LEKR1: variants seen among roughly 807,000 people sequenced by gnomAD.
LEKR1 encodes leucine, glutamate and lysine rich 1.
In LEKR1, 59 loss-of-function variants were observed where a neutral mutation model predicts 72.4. The observed-to-expected ratio is 0.82, with a 90% CI of 0.66 to 1.01. The LOEUF (loss-of-function observed/expected upper bound fraction) is 1.01. LEKR1 is among the 50% of genes least tolerant of loss of function. The pLI, the probability that LEKR1 is intolerant of heterozygous loss-of-function variation, is 0.00. For missense variants in LEKR1, 728 were observed against 759.2 expected (o/e 0.96, Z 0.48); for synonymous variants, 257 against 263.2 (o/e 0.98, Z 0.23).
chr3:157,000,602 T>G (rs1302808153), intron 9 of LEKR1, among the ~76,000 whole-genome samples: 3 of 152,224 alleles, frequency 2.0e-5, no homozygotes, highest in African/African-American at 7.2e-5. Flanking sequence ...AAGTATTAGT[T>G]TCCTCTCTTT....
chr3:156,974,993 C>A (rs896469193), intron 6 of LEKR1, among the ~76,000 whole-genome samples: 5 of 152,154 alleles, frequency 3.3e-5, no homozygotes, highest in Non-Finnish European at 7.3e-5. Flanking sequence ...ATGCCACCAC[C>A]AATGATAATA....
chr3:156,988,664 C>T (rs1158978910), intron 7 of LEKR1: 2 of 238,018 alleles, frequency 8.4e-6, no homozygotes, highest in South Asian at 9.1e-5. Flanking sequence ...GCCTCTGCAC[C>T]CAGCTTCAGG....
chr3:156,989,231 T>C (rs1407930457), intron 7 of LEKR1, among the ~76,000 whole-genome samples: 1 of 152,234 alleles, frequency 6.6e-6, no homozygotes, highest in Admixed American at 6.5e-5. Context: ...AATGGCTACA[T>C]AATATTCCAA....
At chr3:157,040,495 G>A (rs1735269594) in intron 12 of LEKR1, among the ~76,000 whole-genome samples, 1 of 152,274 alleles carries the variant, frequency 6.6e-6, no homozygotes, top group East Asian at 1.9e-4. Context: ...CTTACCAAAA[G>A]GCCATTTCCA....
chr3:157,007,052 A>AG (rs1212645750), intron 9 of LEKR1, among the ~76,000 whole-genome samples: 2 of 151,994 alleles, frequency 1.3e-5, no homozygotes, highest in African/African-American at 4.8e-5. Context: ...ATACAAAAAA[A>AG]ATAGCCGGGC....
intron 6 of LEKR1, among the ~76,000 whole-genome samples, chr3:156,950,404 T>C (rs1482088083): frequency 1.3e-5 from 2 of 151,638 alleles, no homozygotes; most frequent in Non-Finnish European, 3.0e-5. Context: ...AGGAATAGCA[T>C]TGAATCTGTA....
At position 156,829,520 on chromosome 3, in the gene LEKR1, A is replaced by C. The variant is rs141359639; in HGVS notation, c.48+143A>C. Reference sequence around the variant, plus strand: ...AGTGGGAGAGGGAATAATTATTATCATAATGAGCAGAATTGTAGAATTCAA... The same window carrying C: ...AGTGGGAGAGGGAATAATTATTATCCTAATGAGCAGAATTGTAGAATTCAA... On this transcript the variant is annotated intron_variant, in intron 2 of 12. Coordinates refer to ENST00000356539, the MANE Select transcript of LEKR1 (RefSeq NM_001004316.3). 9.2e-4 allele frequency: 511 copies of C among 557,392 alleles called. 4 individuals are homozygous for C. The highest frequency in any genetic ancestry group is 8.7e-3 in the African/African-American group (452 of 52,076). 34.5% of individuals were successfully genotyped at this position (557,392 alleles called of 1,614,324 possible). A position where few individuals can be genotyped will look rare whatever the true frequency, so the allele number is the denominator to read the frequency against.
chr3:157,034,565 A>G (rs1156431412), intron 12 of LEKR1, among the ~76,000 whole-genome samples: 2 of 152,228 alleles, frequency 1.3e-5, no homozygotes, highest in African/African-American at 2.4e-5. Flanking sequence ...AAAGAAAGCC[A>G]TTTGTTGAAA....
intron 3 of LEKR1, among the ~76,000 whole-genome samples, chr3:156,873,293 C>A (rs974774852): frequency 1.3e-5 from 2 of 151,902 alleles, no homozygotes; most frequent in Non-Finnish European, 2.9e-5. Context: ...TCTTTCTTTT[C>A]ATTCTATATG....
chr3:156,944,354 T>C (rs1726495667), intron 6 of LEKR1, among the ~76,000 whole-genome samples: 1 of 151,828 alleles, frequency 6.6e-6, no homozygotes, highest in Admixed American at 6.6e-5. Flanking sequence ...ATAATAATTA[T>C]GTCACGGTAA....
intron 7 of LEKR1, 30 bp from the exon 8 acceptor site, chr3:156,992,623 T>G (rs868520751): frequency 2.3e-6 from 1 of 433,118 alleles, no homozygotes; most frequent in Non-Finnish European, 3.6e-6. Flanking sequence ...TTTGAAATAA[T>G]ATATTTTAAC....
In LEKR1 at chr3:156,944,165, A is replaced by G. The variant is rs1726476510; in HGVS notation, c.745+1451A>G. ...AAGTAGTCCCATTCCTAGATAGTACATACAGTATCCTGGGTTTTGTTTCCC... is the reference window on the plus strand; with the variant it reads ...AAGTAGTCCCATTCCTAGATAGTACGTACAGTATCCTGGGTTTTGTTTCCC... On this transcript the variant is annotated intron_variant, in intron 6 of 12. Transcript: ENST00000356539. Among the ~76,000 whole-genome samples the G allele has an allele frequency of 2.0e-5, 3 of 151,762 alleles. No homozygotes were observed. In the South Asian group the frequency reaches 6.2e-4, roughly 31 times the overall value.
intron 3 of LEKR1, among the ~76,000 whole-genome samples, chr3:156,917,050 G>T (rs1723723653): frequency 6.6e-6 from 1 of 152,028 alleles, no homozygotes; most frequent in Admixed American, 6.6e-5. Flanking sequence ...CACTAGAATT[G>T]ATATCCTCAA....
chr3:156,971,700 CAAAA>C (rs1729214330), intron 6 of LEKR1, among the ~76,000 whole-genome samples: 1 of 151,966 alleles, frequency 6.6e-6, no homozygotes, highest in African/African-American at 2.4e-5. Context: ...AGACACTTCT[CAAAA>C]GAAGACATTT....
intron 2 of LEKR1, among the ~76,000 whole-genome samples, chr3:156,845,656 G>A (rs746508606): frequency 3.9e-5 from 6 of 151,964 alleles, no homozygotes; most frequent in Non-Finnish European, 7.4e-5. Flanking sequence ...TATTTATGGA[G>A]GTCGTTTTCT....
At chr3:156,899,776 A>G (rs1018160529) in intron 3 of LEKR1, among the ~76,000 whole-genome samples, 1 of 91,432 alleles carries the variant, frequency 1.1e-5, no homozygotes, top group Admixed American at 1.4e-4. Flanking sequence ...GCATATATAC[A>G]CATATATACA....
In LEKR1 at chr3:157,027,830, A is replaced by G. The variant is rs375554364; in HGVS notation, c.1369-273A>G. 1.6e-4 allele frequency among the ~76,000 whole-genome samples: 25 copies of G among 152,308 alleles called. No individual in the cohort carries two copies. In the South Asian group the frequency reaches 4.1e-3, roughly 25 times the overall value. The stretch of plus-strand genomic sequence containing the variant: ...GAGCAAGACCCTGTCTCAAAAAAAA[A>G]GACTTGTGCTATCCTTTGTAGCTTA... On this transcript the variant is annotated intron_variant, in intron 11 of 12. Coordinates refer to ENST00000356539, the MANE Select transcript of LEKR1 (RefSeq NM_001004316.3).
At chr3:156,978,191 T>C (rs1729870269) in intron 6 of LEKR1, among the ~76,000 whole-genome samples, 1 of 152,184 alleles carries the variant, frequency 6.6e-6, no homozygotes, top group Admixed American at 6.5e-5. Flanking sequence ...TAAATGCTAA[T>C]TAAAACATTT....
At chr3:156,881,202 G>A (rs1042710985) in intron 3 of LEKR1, among the ~76,000 whole-genome samples, 2 of 152,308 alleles carry the variant, frequency 1.3e-5, no homozygotes, top group South Asian at 2.1e-4. Context: ...AAAAGAGGAA[G>A]TCAAATTGTC....
Sources: allele counts gnomAD v4.1 joint callset (sites outside exome capture counted in the v4.1 genomes callset), GRCh38; gene constraint gnomAD v4.1.1; transcripts MANE v1.5; gene names NCBI Gene and HGNC (gene_info 2026-07-23, HGNC 2026-07-21).